The following CTSH variants were observed in gnomAD, a reference collection of about 807,000 sequenced individuals.
CTSH encodes the protein cathepsin H, also known as pro-cathepsin H.
CTSH carries 52 observed loss-of-function variants against 56.3 expected under a neutral mutation model. The observed-to-expected ratio is 0.92, with a 90% CI of 0.74 to 1.16. The LOEUF is 1.16. CTSH is among the 50% of genes most tolerant of loss of function. The pLI is 0.00. For missense variants in CTSH, 406 were observed against 424.5 expected (o/e 0.96, Z 0.38); for synonymous variants, 174 against 155.7 (o/e 1.12, Z -0.88).
At chr15:78,936,292 C>T (rs924312747) in intron 3 of CTSH, among the ~76,000 whole-genome samples, 9 of 150,440 alleles carry the variant, frequency 6.0e-5, no homozygotes, top group Non-Finnish European at 8.8e-5. Context: ...AGCGATTCTC[C>T]TGCCTCAGCT....
chr15:78,936,632 TTTC>T (rs2055182545), intron 3 of CTSH, among the ~76,000 whole-genome samples: 1 of 141,810 alleles, frequency 7.1e-6, no homozygotes, highest in South Asian at 2.1e-4. Flanking sequence ...TGCGTGTGAG[TTTC>T]TTTTTTTTTT....
At chr15:78,939,298 G>C (rs1173782172) in intron 1 of CTSH, 127 bp from the exon 2 acceptor site, 1 of 681,968 alleles carries the variant, frequency 1.5e-6, no homozygotes, top group Non-Finnish European at 2.5e-6. Flanking sequence ...ACCAAAAATG[G>C]TGTTATATAA....
At chr15:78,931,304 G>T in intron 7 of CTSH, 147 bp downstream of exon 7, 1 of 975,962 alleles carries the variant, frequency 1.0e-6, no homozygotes, top group South Asian at 1.5e-5. Flanking sequence ...CATGTGAGGT[G>T]ACCACCCCTG....
intron 7 of CTSH, among the ~76,000 whole-genome samples, chr15:78,929,710 T>G (rs2055005681): frequency 6.6e-6 from 1 of 152,072 alleles, no homozygotes; most frequent in African/African-American, 2.4e-5. Flanking sequence ...CAAACATGCC[T>G]CAGTGGGATA....
At chr15:78,936,417 T>C (rs2055178403) in intron 3 of CTSH, among the ~76,000 whole-genome samples, 1 of 151,114 alleles carries the variant, frequency 6.6e-6, no homozygotes, top group African/African-American at 2.4e-5. Context: ...CCTGACCCTG[T>C]CTTTAGGGAT....
In CTSH at chr15:78,931,857, C is replaced by T. The variant is rs1029582906; in HGVS notation, c.493-351G>A. ...TGGGGGAAACAGGCCCAGCCAGAGA[C>T]CCTACCCCCACCTGTCCACAACCCA... On this transcript the variant is annotated intron_variant, in intron 6 of 11. Coordinates refer to ENST00000220166, the MANE Select transcript of CTSH (RefSeq NM_004390.5). The T allele has an allele frequency of 4.8e-6, 6 of 1,259,546 alleles. No individual in the cohort carries two copies. In the Admixed American group the frequency reaches 1.3e-4, roughly 28 times the overall value. The allele number at this position is 1,259,546 out of a possible 1,614,324, so 78.0% of individuals were successfully genotyped here. A position where few individuals can be genotyped will look rare whatever the true frequency, so the allele number is the denominator to read the frequency against.
At chr15:78,932,667 C>T (rs1011895945) in intron 5 of CTSH, among the ~76,000 whole-genome samples, 3 of 149,804 alleles carry the variant, frequency 2.0e-5, no homozygotes, top group Non-Finnish European at 2.9e-5. Context: ...AGCCCTGTTC[C>T]AGATCCATTC....
intron 1 of CTSH, 105 bp downstream of exon 1, chr15:78,944,786 G>T: frequency 1.4e-6 from 2 of 1,424,202 alleles, no homozygotes; most frequent in Admixed American, 2.5e-5. Flanking sequence ...ACCGGGGAAA[G>T]CTCTGCCCCG....
chr15:78,942,287 C>A (rs1038215162), intron 1 of CTSH, among the ~76,000 whole-genome samples: 2 of 147,314 alleles, frequency 1.4e-5, no homozygotes, highest in Non-Finnish European at 3.0e-5. Flanking sequence ...ACGATATCAG[C>A]TCACTGCAAC....
At chr15:78,943,253 G>A (rs1306946401) in intron 1 of CTSH, among the ~76,000 whole-genome samples, 1 of 116,956 alleles carries the variant, frequency 8.6e-6, no homozygotes, top group East Asian at 2.2e-4. Flanking sequence ...GTATTCCCCT[G>A]TTTGTTTGTT....
chr15:78,931,796 G>T, intron 6 of CTSH: 1 of 1,354,414 alleles, frequency 7.4e-7, no homozygotes, highest in Non-Finnish European at 9.5e-7. Flanking sequence ...GTGCCCATAC[G>T]ATGCAGAGTG....
At chr15:78,927,433 A>G (rs2054933328) in intron 9 of CTSH, 1 of 508,956 alleles carries the variant, frequency 2.0e-6, no homozygotes. Flanking sequence ...GATGCGGACA[A>G]TTGCTTGCAT....
Position 78,934,964 on chromosome 15 carries a change from A to AT in CTSH, c.405+13dup, listed in dbSNP as rs750176850. 63 of 1,570,114 alleles carry AT rather than the reference A, an allele frequency of 4.0e-5. No individual in the cohort carries two copies. The highest frequency in any genetic ancestry group is 5.3e-5 in the Non-Finnish European group (61 of 1,140,212). On this transcript the variant is annotated intron_variant, in intron 5 of 11. Coordinates refer to ENST00000220166, the MANE Select transcript of CTSH (RefSeq NM_004390.5). Reference sequence around the variant, plus strand: ...GCCGTTTTGCAGGGAGAGGATGGAGATTGCCAGGCATACCTGATTTTTCAC... The same window carrying AT: ...GCCGTTTTGCAGGGAGAGGATGGAGATTTGCCAGGCATACCTGATTTTTCAC...
At chr15:78,935,858 C>G in intron 3 of CTSH, 108 bp from the exon 4 acceptor site, 1 of 710,988 alleles carries the variant, frequency 1.4e-6, no homozygotes, top group South Asian at 1.7e-5. Flanking sequence ...TATTTAGAAC[C>G]ACTGCAACCC....
intron 5 of CTSH, among the ~76,000 whole-genome samples, chr15:78,933,789 T>C (rs574551614): frequency 6.6e-6 from 1 of 152,282 alleles, no homozygotes; most frequent in East Asian, 1.9e-4. Flanking sequence ...AGTGAGAAAC[T>C]CTCAAGGAGG....
chr15:78,934,903 T>G, intron 5 of CTSH, 75 bp downstream of exon 5: 3 of 957,754 alleles, frequency 3.1e-6, no homozygotes, highest in East Asian at 2.4e-5. Context: ...GTGGACCTTT[T>G]GAGTTGTTCT....
At chr15:78,932,678 A>G (rs568750046) in intron 5 of CTSH, among the ~76,000 whole-genome samples, 2 of 150,198 alleles carry the variant, frequency 1.3e-5, no homozygotes, top group East Asian at 3.9e-4. Context: ...AGATCCATTC[A>G]TTCTGAGCCT....
At chr15:78,923,396 T>G (rs2054821646) in intron 10 of CTSH, among the ~76,000 whole-genome samples, 1 of 152,190 alleles carries the variant, frequency 6.6e-6, no homozygotes, top group Non-Finnish European at 1.5e-5. Context: ...TTCAAACGAT[T>G]CTCCTGCCTC....
chr15:78,929,089 C>T (rs2054987554), intron 8 of CTSH, among the ~76,000 whole-genome samples: 1 of 150,812 alleles, frequency 6.6e-6, no homozygotes, highest in Non-Finnish European at 1.5e-5. Context: ...GAGAGGATGG[C>T]GCTCGTGGCA....
Sources: gnomAD v4.1 joint callset for allele counts (sites outside exome capture counted in the v4.1 genomes callset) on GRCh38, gnomAD v4.1.1 for gene constraint, MANE v1.5 for transcripts, NCBI Gene and HGNC (gene_info 2026-07-23, HGNC 2026-07-21) for gene names.